GRIP1: variants seen among roughly 807,000 people sequenced by gnomAD.
GRIP1 encodes glutamate receptor-interacting protein 1.
In GRIP1, 45 loss-of-function variants were observed where a neutral mutation model predicts 129.9. The ratio of observed to expected loss-of-function variants is 0.35; its 90% CI spans 0.27 to 0.44. The LOEUF (loss-of-function observed/expected upper bound fraction) is 0.44, where lower values mean the gene tolerates loss of function less well. Among genes scored for constraint, GRIP1 ranks in the 20% least tolerant of loss-of-function variants. The pLI is 1.00. For synonymous variants in GRIP1, 530 were observed against 520.8 expected, an observed-to-expected ratio of 1.02 and a Z score of -0.24; for missense variants, 1,196 against 1,396.8, an observed-to-expected ratio of 0.86 and a Z score of 2.29.
chr12:66,612,572 G>A (rs1014388791), intron 1 of GRIP1, among the ~76,000 whole-genome samples: 1 of 152,074 alleles, frequency 6.6e-6, no homozygotes, highest in African/African-American at 2.4e-5. Context: ...GGGAGGTTGA[G>A]GCTGCAGTGA....
upstream of GRIP1, chr12:66,679,081 A>C: frequency 4.0e-6 from 6 of 1,504,280 alleles, no homozygotes; most frequent in Middle Eastern, 2.1e-4. Context: ...TCATCTGGCA[A>C]ATCTGTGTCA....
At position 66,578,230 on chromosome 12, in the gene GRIP1, C is replaced by T. The variant is rs557965817; in HGVS notation, c.136+18617G>A. Among the ~76,000 whole-genome samples the T allele has an allele frequency of 3.3e-4, 8 of 24,372 alleles. No homozygotes were observed. The East Asian group carries it at 9.5e-3, about 29-fold the overall frequency. The allele number at this position is 24,372 out of a possible 152,430, so 16.0% of individuals were successfully genotyped here. On this transcript the variant is annotated intron_variant, in intron 2 of 24. Coordinates refer to ENST00000359742, the MANE Select transcript of GRIP1 (RefSeq NM_001366722.1). ...CAGCCTGACTAATATGGCAAAACCG[C>T]GGTTTTTTTTTTTTTTTTTGTAAAA...
intron 1 of GRIP1, among the ~76,000 whole-genome samples, chr12:66,763,728 C>T (rs111876530): frequency 0.013 from 1,989 of 152,254 alleles, 52 homozygotes; most frequent in African/African-American, 0.046. Context: ...TGATGATGTA[C>T]ACAAATGAAT....
At chr12:66,776,995 G>A (rs767348995) in intron 1 of GRIP1, among the ~76,000 whole-genome samples, 18 of 152,114 alleles carry the variant, frequency 1.2e-4, no homozygotes, top group Non-Finnish European at 2.1e-4. Flanking sequence ...ATATATACAC[G>A]GTCTTGTAGT....
rs59891449 is a variant in GRIP1, at chr12:67,066,888, T to TTTTATA, written c.58+2161_58+2162insTATAAA. ...TAGGCAGCTCAGTTTAAATATATAT[T>TTTTATA]TATATATATATATATATATATATAC... is the stretch of plus-strand genomic sequence containing the variant. On this transcript the variant is annotated intron_variant, in intron 1 of 1. Coordinates refer to the GRIP1 transcript ENST00000643019. Among the ~76,000 whole-genome samples, 704 of 125,606 alleles carry TTTTATA rather than the reference T, an allele frequency of 5.6e-3. 6 individuals carry two copies. Among genetic ancestry groups the TTTTATA allele is most frequent in the East Asian group, 0.016 (67 of 4,204 alleles). The allele number at this position is 125,606 out of a possible 152,430, so 82.4% of individuals were successfully genotyped here. A position where few individuals can be genotyped will look rare whatever the true frequency, so the allele number is the denominator to read the frequency against.
At chr12:66,984,127 A>G (rs192435585) in intron 1 of GRIP1, among the ~76,000 whole-genome samples, 1 of 152,324 alleles carries the variant, frequency 6.6e-6, no homozygotes, top group Admixed American at 6.5e-5. Flanking sequence ...GTCTATACTT[A>G]AAGACTGTAT....
chr12:66,363,891 G>A (rs1013211881), intron 23 of GRIP1, among the ~76,000 whole-genome samples: 7 of 152,198 alleles, frequency 4.6e-5, no homozygotes, highest in Middle Eastern at 3.4e-3. Context: ...AATAAGTTCC[G>A]GTGATCCACT....
chr12:66,358,109 G>C (rs1034278452), intron 23 of GRIP1, among the ~76,000 whole-genome samples: 1 of 152,206 alleles, frequency 6.6e-6, no homozygotes. Context: ...GGCCAGGCTG[G>C]TCTTGAACTC....
At chr12:66,764,448 T>C (rs2037566538) in intron 1 of GRIP1, among the ~76,000 whole-genome samples, 1 of 152,208 alleles carries the variant, frequency 6.6e-6, no homozygotes, top group African/African-American at 2.4e-5. Context: ...AAAGCATTAC[T>C]GAGGAAAAGT....
chr12:66,695,158 C>T (rs1456690105), intron 1 of GRIP1, among the ~76,000 whole-genome samples: 2 of 152,184 alleles, frequency 1.3e-5, no homozygotes, highest in Non-Finnish European at 2.9e-5. Context: ...CAGGCTCTAC[C>T]TCCTCTGGGT....
chr12:66,853,541 G>A (rs1489712024), intron 1 of GRIP1, among the ~76,000 whole-genome samples: 1 of 151,984 alleles, frequency 6.6e-6, no homozygotes, highest in East Asian at 1.9e-4. Context: ...TGCCGCACAG[G>A]AGTTCTGCAT....
chr12:66,850,107 C>A (rs1382596422), intron 1 of GRIP1, among the ~76,000 whole-genome samples: 4 of 151,930 alleles, frequency 2.6e-5, no homozygotes, highest in Non-Finnish European at 4.4e-5. Context: ...GAACGGTAAT[C>A]GGTTAAAGAG....
intron 1 of GRIP1, among the ~76,000 whole-genome samples, chr12:66,911,936 T>C (rs1216578429): frequency 1.3e-5 from 2 of 152,166 alleles, no homozygotes; most frequent in East Asian, 1.9e-4. Flanking sequence ...ATATCTCTGG[T>C]TTTCGCTGAA....
At chr12:66,351,063 T>A (rs747988537) in intron 24 of GRIP1, among the ~76,000 whole-genome samples, 14 of 152,332 alleles carry the variant, frequency 9.2e-5, no homozygotes, top group Admixed American at 9.2e-4. Context: ...AATATTAGCA[T>A]GTCTGCGGAA....
At chr12:66,666,051 T>A (rs1371876961) in intron 1 of GRIP1, among the ~76,000 whole-genome samples, 1 of 152,082 alleles carries the variant, frequency 6.6e-6, no homozygotes, top group East Asian at 1.9e-4. Flanking sequence ...CACTTGTCTT[T>A]CCCCCACAAA....
intron 2 of GRIP1, among the ~76,000 whole-genome samples, chr12:66,595,156 A>G (rs745364520): frequency 1.3e-5 from 2 of 152,254 alleles, no homozygotes; most frequent in Admixed American, 6.5e-5. Context: ...GTCAAGCTCC[A>G]GGAAAACATC....
At chr12:66,490,374 G>A (rs2060072359) in intron 7 of GRIP1, among the ~76,000 whole-genome samples, 1 of 152,126 alleles carries the variant, frequency 6.6e-6, no homozygotes, top group African/African-American at 2.4e-5. Flanking sequence ...AACAAGCAAT[G>A]GGGAAAGGAT....
chr12:66,668,388 G>C (rs2033907013), intron 1 of GRIP1, among the ~76,000 whole-genome samples: 2 of 152,182 alleles, frequency 1.3e-5, no homozygotes, highest in Non-Finnish European at 2.9e-5. Context: ...CAGAAACTCT[G>C]TGGGGTCCTA....
At chr12:66,816,746 C>CTGAATGACAA (rs2039225539) in intron 1 of GRIP1, among the ~76,000 whole-genome samples, 1 of 152,014 alleles carries the variant, frequency 6.6e-6, no homozygotes, top group Admixed American at 6.6e-5. Flanking sequence ...TGAAAATTTT[C>CTGAATGACAA]TGAATGACAA....
Sources: allele counts gnomAD v4.1 joint callset (sites outside exome capture counted in the v4.1 genomes callset), GRCh38; gene constraint gnomAD v4.1.1; transcripts MANE v1.5; gene names NCBI Gene and HGNC (gene_info 2026-07-23, HGNC 2026-07-21).